The following SUGCT variants were observed in gnomAD, a reference collection of about 807,000 sequenced individuals.
SUGCT encodes succinyl-CoA:glutarate-CoA transferase, also known as succinyl-CoA:glutarate CoA-transferase.
SUGCT carries 41 observed loss-of-function variants against 55.0 expected under a neutral mutation model. The ratio of observed to expected loss-of-function variants is 0.74; its 90% CI spans 0.58 to 0.97. The LOEUF (loss-of-function observed/expected upper bound fraction) is 0.97, where lower values mean the gene tolerates loss of function less well. Ranked by LOEUF, SUGCT falls within the 50% of genes least tolerant of loss-of-function variation. The probability of loss-of-function intolerance (pLI) is 0.00; values close to 1 mark genes in which losing one functional copy is unlikely to be tolerated. For missense variants in SUGCT, 568 were observed against 547.8 expected, an observed-to-expected ratio of 1.04 and a Z score of -0.37; for synonymous variants, 187 against 200.4, an observed-to-expected ratio of 0.93 and a Z score of 0.56.
At chr7:40,465,378 G>A (rs1790044956) in intron 11 of SUGCT, among the ~76,000 whole-genome samples, 1 of 152,122 alleles carries the variant, frequency 6.6e-6, no homozygotes, top group Non-Finnish European at 1.5e-5. Flanking sequence ...GGGAGGCTGA[G>A]GCAGGCAGAT....
intron 12 of SUGCT, among the ~76,000 whole-genome samples, chr7:40,609,392 C>T (rs1798666792): frequency 6.6e-6 from 1 of 151,720 alleles, no homozygotes; most frequent in Admixed American, 6.6e-5. Flanking sequence ...CGGTGAAACC[C>T]CATCTCTACT....
At chr7:40,181,057 T>C (rs1785172218) in intron 2 of SUGCT, 59 bp downstream of exon 2, 2 of 1,262,746 alleles carry the variant, frequency 1.6e-6, no homozygotes, top group Non-Finnish European at 2.3e-6. Context: ...TCAAAAACTT[T>C]TAATTTTTTG....
At chr7:40,842,533 CT>C (rs900590828) in intron 13 of SUGCT, among the ~76,000 whole-genome samples, 10 of 152,122 alleles carry the variant, frequency 6.6e-5, no homozygotes, top group Non-Finnish European at 1.0e-4. Flanking sequence ...GTTAAATTAC[CT>C]TTTGCATTCT....
At chr7:40,964,249 G>C in the SUGCT span, among the ~76,000 whole-genome samples, 3 of 152,144 alleles carry the variant, frequency 2.0e-5, no homozygotes, top group Non-Finnish European at 4.4e-5. Flanking sequence ...AGGTCTTCCT[G>C]GGTAGAGAGA....
intron 9 of SUGCT, among the ~76,000 whole-genome samples, chr7:40,351,711 TA>T (rs1797642671): frequency 6.6e-6 from 1 of 152,248 alleles, no homozygotes; most frequent in Non-Finnish European, 1.5e-5. Flanking sequence ...AGAGTTTGGT[TA>T]AAAACTGTTG....
chr7:40,351,380 C>T (rs1797623496), intron 9 of SUGCT, among the ~76,000 whole-genome samples: 1 of 151,890 alleles, frequency 6.6e-6, no homozygotes, highest in Non-Finnish European at 1.5e-5. Context: ...TTTATGATTT[C>T]ACATTAAATT....
At chr7:41,009,860 G>C in the SUGCT span, among the ~76,000 whole-genome samples, 1 of 152,218 alleles carries the variant, frequency 6.6e-6, no homozygotes, top group African/African-American at 2.4e-5. Flanking sequence ...CTGCAGAAAA[G>C]TACCTTCTCA....
At chr7:40,723,084 A>G (rs2128687217) in intron 12 of SUGCT, among the ~76,000 whole-genome samples, 1 of 152,208 alleles carries the variant, frequency 6.6e-6, no homozygotes, top group East Asian at 1.9e-4. Context: ...TAAAATGACA[A>G]AGTGCTTCCA....
At chr7:40,625,611 T>C (rs142030574) in intron 12 of SUGCT, among the ~76,000 whole-genome samples, 2 of 152,280 alleles carry the variant, frequency 1.3e-5, no homozygotes, top group Non-Finnish European at 1.5e-5. Flanking sequence ...GCCTCACCTC[T>C]TTTACCCCAG....
the SUGCT span, among the ~76,000 whole-genome samples, chr7:40,907,955 T>C: frequency 6.6e-6 from 1 of 152,026 alleles, no homozygotes; most frequent in Non-Finnish European, 1.5e-5. Flanking sequence ...TTTCATTACT[T>C]ACAATGTTTA....
intron 13 of SUGCT, among the ~76,000 whole-genome samples, chr7:40,810,199 C>T (rs1791335048): frequency 6.6e-6 from 1 of 151,840 alleles, no homozygotes; most frequent in African/African-American, 2.4e-5. Flanking sequence ...AATCATGGCT[C>T]ACTGTAGCCT....
chr7:40,165,383 C>G (rs932992812), intron 1 of SUGCT, among the ~76,000 whole-genome samples: 1 of 152,058 alleles, frequency 6.6e-6, no homozygotes, highest in Non-Finnish European at 1.5e-5. Flanking sequence ...GTCGTCTAAA[C>G]CCCAGGGCCA....
At chr7:40,137,410 T>C (rs1215559308) in intron 1 of SUGCT, among the ~76,000 whole-genome samples, 1 of 152,184 alleles carries the variant, frequency 6.6e-6, no homozygotes, top group Non-Finnish European at 1.5e-5. Context: ...AATTAAATGG[T>C]GTGGTGAGCC....
chr7:40,360,817 C>T (rs1798114754), intron 9 of SUGCT, among the ~76,000 whole-genome samples: 1 of 152,040 alleles, frequency 6.6e-6, no homozygotes, highest in Non-Finnish European at 1.5e-5. Context: ...GTTTTAGGTA[C>T]TCAAAGACAT....
intron 9 of SUGCT, among the ~76,000 whole-genome samples, chr7:40,350,437 C>T (rs905250112): frequency 6.6e-6 from 1 of 151,430 alleles, no homozygotes; most frequent in African/African-American, 2.4e-5. Flanking sequence ...CCTCAGCCTC[C>T]CAAGTAGCTG....
chr7:40,739,145 A>T (rs1431949134), intron 12 of SUGCT, among the ~76,000 whole-genome samples: 1 of 152,144 alleles, frequency 6.6e-6, no homozygotes, highest in Admixed American at 6.6e-5. Flanking sequence ...ACAATATCAC[A>T]TTGAGGGCAT....
intron 7 of SUGCT, among the ~76,000 whole-genome samples, chr7:40,255,968 A>G (rs1007407397): frequency 1.2e-4 from 19 of 152,280 alleles, no homozygotes; most frequent in African/African-American, 4.1e-4. Context: ...TTGTGTGTGC[A>G]TGTTGGGGGA....
At chr7:40,251,912 C>G (rs139228287) in intron 7 of SUGCT, among the ~76,000 whole-genome samples, 55 of 149,820 alleles carry the variant, frequency 3.7e-4, no homozygotes, top group African/African-American at 1.3e-3. Flanking sequence ...GTTAATAGGA[C>G]CAATTTGTAT....
intron 7 of SUGCT, among the ~76,000 whole-genome samples, chr7:40,248,533 C>T (rs1240061167): frequency 6.6e-6 from 1 of 151,900 alleles, no homozygotes; most frequent in Non-Finnish European, 1.5e-5. Flanking sequence ...CATCCTAGCA[C>T]CTATGTAATT....
Sources: gnomAD v4.1 joint callset for allele counts (sites outside exome capture counted in the v4.1 genomes callset) on GRCh38, gnomAD v4.1.1 for gene constraint, MANE v1.5 for transcripts, NCBI Gene and HGNC (gene_info 2026-07-23, HGNC 2026-07-21) for gene names.